Variants in TTC7B observed in about 807,000 individuals in gnomAD.
TTC7B encodes tetratricopeptide repeat domain 7B, also known as tetratricopeptide repeat protein 7B.
Under a neutral mutation model 106.8 loss-of-function variants are expected in TTC7B, and 28 were observed. The observed-to-expected ratio is 0.26, with a 90% CI of 0.19 to 0.36. The LOEUF (loss-of-function observed/expected upper bound fraction) is 0.36, where lower values mean the gene tolerates loss of function less well. Among genes scored for constraint, TTC7B ranks in the 10% least tolerant of loss-of-function variants. TTC7B has a pLI of 1.00. For missense variants in TTC7B, 862 were observed against 1,076.4 expected, an observed-to-expected ratio of 0.80 and a Z score of 2.79; for synonymous variants, 405 against 430.6, an observed-to-expected ratio of 0.94 and a Z score of 0.74.
chr14:90,676,490 C>G (rs750905603), intron 9 of TTC7B, 33 bp downstream of exon 9: 1 of 1,607,762 alleles, frequency 6.2e-7, no homozygotes, highest in South Asian at 1.1e-5. Context: ...TGCCACCCAC[C>G]ACCTGGATGT....
chr14:90,690,593 TA>T (rs1321640447), intron 6 of TTC7B, among the ~76,000 whole-genome samples: 1 of 152,116 alleles, frequency 6.6e-6, no homozygotes, highest in Non-Finnish European at 1.5e-5. Context: ...AAGAAGAGGA[TA>T]AGTAATTTAA....
chr14:90,563,116 T>C lies in TTC7B; in HGVS notation c.2310+14990A>G, dbSNP rs1890655356. Reference sequence around the variant, plus strand: ...TTAACATCCTCAGGTCCTAGTCCAGTATTGGACTCAAACTACATTATCTTA... The same window carrying C: ...TTAACATCCTCAGGTCCTAGTCCAGCATTGGACTCAAACTACATTATCTTA... On this transcript the variant is annotated intron_variant, in intron 19 of 19. Coordinates refer to ENST00000328459, the MANE Select transcript of TTC7B (RefSeq NM_001010854.2). 3.3e-5 allele frequency among the ~76,000 whole-genome samples: 5 copies of C among 152,210 alleles called. No homozygotes were observed. The South Asian group carries it at 1.0e-3, about 32-fold the overall frequency.
At chr14:90,734,641 A>G (rs1889450941) in intron 4 of TTC7B, among the ~76,000 whole-genome samples, 1 of 152,108 alleles carries the variant, frequency 6.6e-6, no homozygotes, top group Non-Finnish European at 1.5e-5. Flanking sequence ...CATCTCTTCC[A>G]GGAGACATCC....
In TTC7B at chr14:90,605,217, A is replaced by G. The variant is rs370195220; in HGVS notation, c.1966+5525T>C. 6.6e-5 allele frequency among the ~76,000 whole-genome samples: 10 copies of G among 152,242 alleles called. No homozygotes were observed. In the East Asian group the frequency reaches 9.6e-4, roughly 15 times the overall value. On this transcript the variant is annotated intron_variant, in intron 17 of 19. Coordinates refer to ENST00000328459, the MANE Select transcript of TTC7B (RefSeq NM_001010854.2). ...GCCTTGATGATTATACGCTGGTTGA[A>G]TTCATTTCTAAATTGAAAACGGGAG...
At chr14:90,739,154 A>G (rs906029873) in intron 4 of TTC7B, among the ~76,000 whole-genome samples, 3 of 152,222 alleles carry the variant, frequency 2.0e-5, no homozygotes, top group Non-Finnish European at 4.4e-5. Flanking sequence ...GCTCCCAGAT[A>G]AAGGGCTCAA....
intron 18 of TTC7B, among the ~76,000 whole-genome samples, chr14:90,582,480 G>C (rs769214796): frequency 2.0e-5 from 3 of 152,236 alleles, no homozygotes; most frequent in Non-Finnish European, 4.4e-5. Context: ...ATCAACCCTA[G>C]GCTGAGCATT....
chr14:90,752,439 T>C (rs1299916891), intron 3 of TTC7B, among the ~76,000 whole-genome samples: 1 of 152,210 alleles, frequency 6.6e-6, no homozygotes, highest in African/African-American at 2.4e-5. Context: ...CTGTAGATTC[T>C]CTGGAAGTTT....
rs548078676 is a variant in TTC7B, at chr14:90,736,581, A to AG, written c.577-6386dup. Among the ~76,000 whole-genome samples, 273 of 151,708 alleles carry AG rather than the reference A, an allele frequency of 1.8e-3. 1 individual carries two copies. Among genetic ancestry groups the AG allele is most frequent in the African/African-American group, 6.2e-3 (255 of 41,346 alleles). Reference sequence around the variant, plus strand: ...AGTGAGACTCCGTCTCAGAAAAAAAAGGGGGGGTGGGTAGGAAATGAGGCC... The same window carrying AG: ...AGTGAGACTCCGTCTCAGAAAAAAAAGGGGGGGGTGGGTAGGAAATGAGGCC... On this transcript the variant is annotated intron_variant, in intron 4 of 19. Transcript: ENST00000328459.
chr14:90,783,315 G>A (rs1891279760), intron 2 of TTC7B, among the ~76,000 whole-genome samples: 1 of 152,224 alleles, frequency 6.6e-6, no homozygotes. Context: ...CAAGGAAAGA[G>A]AAAGTTTCAC....
At chr14:90,622,913 A>C (rs892416539) in intron 15 of TTC7B, among the ~76,000 whole-genome samples, 2 of 152,078 alleles carry the variant, frequency 1.3e-5, no homozygotes, top group African/African-American at 2.4e-5. Context: ...TTAGCTACCA[A>C]AGGATTTGTC....
rs74082411 is a variant in TTC7B at position 90,755,922 on chromosome 14, G to A, written c.446-11000C>T. 1.7e-3 allele frequency among the ~76,000 whole-genome samples: 257 copies of A among 152,260 alleles called. 1 individual carries two copies. The highest frequency in any genetic ancestry group is 6.0e-3 in the African/African-American group (250 of 41,554). Reference sequence around the variant, plus strand: ...CTCTTCTCATTATATGTCTTTCCTGGGACAATGATAATCCTCCTCAATTTG... The same window carrying A: ...CTCTTCTCATTATATGTCTTTCCTGAGACAATGATAATCCTCCTCAATTTG... On this transcript the variant is annotated intron_variant, in intron 3 of 19. Coordinates refer to ENST00000328459, the MANE Select transcript of TTC7B (RefSeq NM_001010854.2).
intron 17 of TTC7B, 32 bp from the exon 18 acceptor site, chr14:90,593,658 G>A: frequency 6.5e-7 from 1 of 1,549,778 alleles, no homozygotes; most frequent in East Asian, 2.3e-5. Context: ...ACTCTATCAG[G>A]AGCGAAAGAA....
chr14:90,734,122 C>T (rs184804113), intron 4 of TTC7B, among the ~76,000 whole-genome samples: 3 of 151,794 alleles, frequency 2.0e-5, no homozygotes, highest in East Asian at 1.9e-4. Context: ...GGAAAATATT[C>T]GAAAGGAGGA....
chr14:90,595,087 A>C (rs931416258), intron 17 of TTC7B, among the ~76,000 whole-genome samples: 2 of 151,804 alleles, frequency 1.3e-5, no homozygotes, highest in African/African-American at 4.8e-5. Context: ...TAATCCCAGC[A>C]CTTTGGGAGG....
intron 16 of TTC7B, among the ~76,000 whole-genome samples, chr14:90,615,599 C>A (rs1314965087): frequency 1.3e-5 from 2 of 152,196 alleles, no homozygotes; most frequent in Non-Finnish European, 2.9e-5. Flanking sequence ...GGAGCCACTG[C>A]GGCCCCACTC....
At chr14:90,619,308 T>C (rs775529489) in intron 15 of TTC7B, among the ~76,000 whole-genome samples, 3 of 152,332 alleles carry the variant, frequency 2.0e-5, no homozygotes, top group Non-Finnish European at 4.4e-5. Context: ...AACTAGCCAC[T>C]CTTCTTTCAC....
intron 1 of TTC7B, among the ~76,000 whole-genome samples, chr14:90,787,605 A>C (rs1891436382): frequency 6.6e-6 from 1 of 152,144 alleles, no homozygotes; most frequent in African/African-American, 2.4e-5. Context: ...TAATTCAAAA[A>C]GTCATCAGCG....
chr14:90,535,883 TG>T lies in TTC7B; in HGVS notation c.*5484del, dbSNP rs993522002. ...GCCGCCTTCTCCGTGTGTCCTGGCG[TG>T]GCTGAGCGTGAGCTCACTTGCACTT... On this transcript the variant is annotated 3_prime_UTR_variant, in exon 20 of 20. Transcript: ENST00000328459. 16 of 152,452 alleles carry T rather than the reference TG, an allele frequency of 1.0e-4. No individual in the cohort carries two copies. Among genetic ancestry groups the T allele is most frequent in the African/African-American group, 3.9e-4 (16 of 41,476 alleles). The allele number at this position is 152,452 out of a possible 1,614,324, so 9.4% of individuals were successfully genotyped here.
At chr14:90,660,658 G>A (rs1403515743) in intron 9 of TTC7B, among the ~76,000 whole-genome samples, 1 of 152,094 alleles carries the variant, frequency 6.6e-6, no homozygotes. Context: ...GACAGTGAAG[G>A]AAGGAGGGCA....
Sources: allele counts gnomAD v4.1 joint callset (sites outside exome capture counted in the v4.1 genomes callset), GRCh38; gene constraint gnomAD v4.1.1; transcripts MANE v1.5; gene names NCBI Gene and HGNC (gene_info 2026-07-23, HGNC 2026-07-21).